Variants in VAV3 observed in about 807,000 individuals in gnomAD.
VAV3 encodes vav guanine nucleotide exchange factor 3.
VAV3 carries 94 observed loss-of-function variants against 131.2 expected under a neutral mutation model. The ratio of observed to expected loss-of-function variants is 0.72; its 90% CI spans 0.61 to 0.85. The LOEUF (loss-of-function observed/expected upper bound fraction) is 0.85. Among genes scored for constraint, VAV3 ranks in the 40% least tolerant of loss-of-function variants. The pLI, the probability that VAV3 is intolerant of heterozygous loss-of-function variation, is 0.00. For missense variants in VAV3, 939 were observed against 1,002.7 expected (o/e 0.94, Z 0.86); for synonymous variants, 349 against 342.0 (o/e 1.02, Z -0.22).
intron 1 of VAV3, among the ~76,000 whole-genome samples, chr1:107,936,996 G>A (rs1673750123): frequency 6.6e-6 from 1 of 152,066 alleles, no homozygotes; most frequent in Non-Finnish European, 1.5e-5. Flanking sequence ...GGAAATGGGA[G>A]GGCCAATGTG....
chr1:107,688,236 A>G (rs977950857), intron 18 of VAV3, 145 bp downstream of exon 18: 1 of 1,050,344 alleles, frequency 9.5e-7, no homozygotes, highest in Non-Finnish European at 1.3e-6. Flanking sequence ...TTTTGTTCAC[A>G]ATCACTTGGT....
At chr1:107,633,646 T>TTTTTATG (rs1654681523) in intron 20 of VAV3, among the ~76,000 whole-genome samples, 1 of 152,162 alleles carries the variant, frequency 6.6e-6, no homozygotes, top group Non-Finnish European at 1.5e-5. Flanking sequence ...GGCCATGTCT[T>TTTTTATG]GCTTTAACCA....
At chr1:107,589,925 GCTA>G (rs1248821721) in intron 25 of VAV3, among the ~76,000 whole-genome samples, 1 of 152,150 alleles carries the variant, frequency 6.6e-6, no homozygotes, top group Non-Finnish European at 1.5e-5. Flanking sequence ...GAATAAGAAT[GCTA>G]CTTTATGTTC....
intron 2 of VAV3, among the ~76,000 whole-genome samples, chr1:107,861,934 C>G (rs1033795149): frequency 8.6e-5 from 13 of 151,598 alleles, no homozygotes; most frequent in Non-Finnish European, 1.9e-4. Flanking sequence ...GGGGAGTGTT[C>G]TGAAAGATTT....
rs1023932366 is a variant in VAV3, at chr1:107,689,344, G to T, written c.1706-938C>A. ...GGACAGAAAGAGCAGGCCTAAGTGGGAGCTCTGCAGGATGTTTCTTTAAGA... is the reference window on the plus strand; with the variant it reads ...GGACAGAAAGAGCAGGCCTAAGTGGTAGCTCTGCAGGATGTTTCTTTAAGA... On this transcript the variant is annotated intron_variant, in intron 17 of 26. Transcript: ENST00000370056. Among the ~76,000 whole-genome samples, 5 of 152,022 alleles carry T rather than the reference G, an allele frequency of 3.3e-5. No individual in the cohort carries two copies. The East Asian group carries it at 9.7e-4, about 29-fold the overall frequency.
intron 1 of VAV3, among the ~76,000 whole-genome samples, chr1:107,884,423 ATTATTATTATT>A (rs1399491213): frequency 7.0e-6 from 1 of 143,368 alleles, no homozygotes; most frequent in African/African-American, 2.7e-5. Context: ...TATTATTATT[ATTATTATTATT>A]ATTATTATTA....
chr1:107,903,730 T>C (rs1271965609), intron 1 of VAV3, among the ~76,000 whole-genome samples: 1 of 152,128 alleles, frequency 6.6e-6, no homozygotes, highest in Admixed American at 6.6e-5. Context: ...GAAATTCCTA[T>C]CTTAACATTC....
At chr1:107,717,543 C>A (rs189270947) in intron 15 of VAV3, among the ~76,000 whole-genome samples, 19 of 152,216 alleles carry the variant, frequency 1.2e-4, no homozygotes, top group South Asian at 1.0e-3. Flanking sequence ...TGTAGTTGTG[C>A]GGTTTTGAGT....
rs576714460 is a variant in VAV3, at chr1:107,893,760, CAG to C, written c.205-18745_205-18744del. Among the ~76,000 whole-genome samples, 115 of 152,304 alleles carry C rather than the reference CAG, an allele frequency of 7.6e-4. 1 individual carries two copies. The highest frequency in any genetic ancestry group is 1.4e-3 in the Non-Finnish European group (92 of 68,014). The stretch of plus-strand genomic sequence containing the variant: ...GGGTGGGGACACAGCCAAACTATAT[CAG>C]TGTTCTTCTGACCAAAGTTATAAGA... On this transcript the variant is annotated intron_variant, in intron 1 of 26. Transcript: ENST00000370056.
intron 2 of VAV3, among the ~76,000 whole-genome samples, chr1:107,826,577 T>C (rs1239710058): frequency 6.6e-6 from 1 of 152,196 alleles, no homozygotes; most frequent in Non-Finnish European, 1.5e-5. Context: ...ACTGCTCTAG[T>C]GTACTGCAGT....
At chr1:107,671,069 C>A (rs1657754714) in intron 19 of VAV3, among the ~76,000 whole-genome samples, 1 of 152,134 alleles carries the variant, frequency 6.6e-6, no homozygotes, top group African/African-American at 2.4e-5. Flanking sequence ...GAGTGAAAAG[C>A]TATAATGTTA....
chr1:107,965,043 C>T lies in VAV3; in HGVS notation c.-174G>A, dbSNP rs1414865161. 9.4e-6 allele frequency: 3 copies of T among 318,420 alleles called. No individual in the cohort carries two copies. The highest frequency in any genetic ancestry group is 6.8e-5 in the African/African-American group (3 of 44,098). 19.7% of individuals were successfully genotyped at this position (318,420 alleles called of 1,614,324 possible). ...GACGGGTCGCGGGCGCCGCGCTAGG[C>T]TCGGCTCCGGTCCCGGCCCGGGTGC... is the stretch of plus-strand genomic sequence containing the variant. On this transcript the variant is annotated 5_prime_UTR_variant, in exon 1 of 27. Transcript: ENST00000370056.
intron 2 of VAV3, among the ~76,000 whole-genome samples, chr1:107,830,329 A>T (rs1251445396): frequency 1.3e-5 from 2 of 151,938 alleles, no homozygotes; most frequent in East Asian, 3.9e-4. Flanking sequence ...CAGCCTCCTG[A>T]GAAGCTGGGA....
intron 25 of VAV3, chr1:107,578,955 G>C (rs1649843725): frequency 1.0e-6 from 1 of 966,058 alleles, no homozygotes; most frequent in Admixed American, 6.2e-5. Flanking sequence ...TCAACAATAG[G>C]TAGGTAAATT....
At position 107,911,278 on chromosome 1, in the gene VAV3, T is replaced by C. The variant is rs76007771; in HGVS notation, c.205-36261A>G. 6.0e-3 allele frequency among the ~76,000 whole-genome samples: 914 copies of C among 152,362 alleles called. 5 individuals carry two copies. The highest frequency in any genetic ancestry group is 9.7e-3 in the Non-Finnish European group (661 of 68,032). ...ACTAACATTAACATGTATATATCTG[T>C]GTATTGTATTCCTTTGTTTTTTCTT... On this transcript the variant is annotated intron_variant, in intron 1 of 26. Coordinates refer to ENST00000370056, the MANE Select transcript of VAV3 (RefSeq NM_006113.5).
chr1:107,902,411 T>C (rs1461352619), intron 1 of VAV3, among the ~76,000 whole-genome samples: 1 of 152,246 alleles, frequency 6.6e-6, no homozygotes, highest in East Asian at 1.9e-4. Flanking sequence ...CATATGATGA[T>C]TGCTTTGTAA....
At chr1:107,650,448 C>T (rs1161960500) in intron 19 of VAV3, among the ~76,000 whole-genome samples, 1 of 151,862 alleles carries the variant, frequency 6.6e-6, no homozygotes, top group African/African-American at 2.4e-5. Context: ...TTGCTATAGA[C>T]TAAATGTTTA....
At chr1:107,732,255 C>T (rs1352268841) in intron 15 of VAV3, among the ~76,000 whole-genome samples, 1 of 152,214 alleles carries the variant, frequency 6.6e-6, no homozygotes, top group Admixed American at 6.5e-5. Flanking sequence ...TTCAAGATGA[C>T]CGAATAGGAA....
intron 15 of VAV3, among the ~76,000 whole-genome samples, chr1:107,740,850 T>C (rs1662978483): frequency 1.3e-5 from 2 of 152,226 alleles, no homozygotes. Flanking sequence ...TATGACAGAA[T>C]TGAGTAGCTC....
Sources: allele counts gnomAD v4.1 joint callset (sites outside exome capture counted in the v4.1 genomes callset), GRCh38; gene constraint gnomAD v4.1.1; transcripts MANE v1.5; gene names NCBI Gene and HGNC (gene_info 2026-07-23, HGNC 2026-07-21).